CDH19: variants seen among roughly 807,000 people sequenced by gnomAD.
CDH19 encodes cadherin-19.
A neutral mutation model predicts 64.2 loss-of-function variants in CDH19; 67 were observed. The observed-to-expected ratio is 1.04, with a 90% CI of 0.86 to 1.28. CDH19 has a LOEUF of 1.28. Among genes scored for constraint, CDH19 ranks in the 50% most tolerant of loss-of-function variants. CDH19 has a pLI of 0.00. For synonymous variants in CDH19, 346 were observed against 319.3 expected (o/e 1.08, Z -0.89); for missense variants, 1,030 against 929.0 (o/e 1.11, Z -1.41).
intron 7 of CDH19, among the ~76,000 whole-genome samples, chr18:66,539,474 A>G (rs1481010957): frequency 1.3e-5 from 2 of 152,076 alleles, no homozygotes; most frequent in Non-Finnish European, 2.9e-5. Flanking sequence ...GATAGTTTTT[A>G]TAATAAGTTA....
chr18:66,505,281 C>T lies in CDH19; in HGVS notation c.1850G>A (p.Gly617Asp), dbSNP rs1985137712. 5.1e-6 allele frequency: 8 copies of T among 1,562,924 alleles called. No homozygotes were observed. The highest frequency in any genetic ancestry group is 6.9e-6 in the Non-Finnish European group (8 of 1,160,884). The change falls in exon 12 of 12, where the codon GGT becomes GAT. Residue 617 changes from glycine to aspartate, a missense_variant. By Grantham distance (94) the Gly-to-Asp change is moderately conservative. Transcript: ENST00000262150. ...IIFGFIFLTL[G>D]LKQRRKQILF... ...AATCTGTTTTCTCCGTTGTTTTAAA[C>T]CCAAAGTCAAAAAAATAAACCCTGA...
In CDH19 at chr18:66,523,618, G is replaced by T. The variant is rs535387066; in HGVS notation, c.1458+6227C>A. On this transcript the variant is annotated intron_variant, in intron 9 of 11. Transcript: ENST00000262150. ...CACAGTGTTTACACTCGGTGGGGGT[G>T]GGGGGGGAGTGGGTCTCAAGGCGGT... Among the ~76,000 whole-genome samples, 254 of 151,390 alleles carry T rather than the reference G, an allele frequency of 1.7e-3. 1 individual carries two copies. Among genetic ancestry groups the T allele is most frequent in the African/African-American group, 6.0e-3 (246 of 41,290 alleles).
Position 66,604,057 on chromosome 18 carries a change from G to C in CDH19, c.-216C>G, listed in dbSNP as rs938249293. ...AAAACTTTCTTCTTTTTGCTTCACAGTCTTCTCAGCAAACTCTCGATGTGC... is the reference window on the plus strand; with the variant it reads ...AAAACTTTCTTCTTTTTGCTTCACACTCTTCTCAGCAAACTCTCGATGTGC... On this transcript the variant is annotated 5_prime_UTR_variant, in exon 1 of 12. Transcript: ENST00000262150. 1 of 151,892 alleles carries C rather than the reference G, an allele frequency of 6.6e-6. No individual in the cohort carries two copies. Among genetic ancestry groups the C allele is most frequent in the Non-Finnish European group, 1.5e-5 (1 of 67,988 alleles). The allele number at this position is 151,892 out of a possible 1,614,324, so 9.4% of individuals were successfully genotyped here.
In CDH19 at chr18:66,504,612, T is replaced by C; in HGVS notation, c.*200A>G. On this transcript the variant is annotated 3_prime_UTR_variant, in exon 12 of 12. Transcript: ENST00000262150. Reference sequence around the variant, plus strand: ...GTATTGATGCCTGTGAGCTGATTGTTTACATTTCTCCCCACATCTCTGTTC... The same window carrying C: ...GTATTGATGCCTGTGAGCTGATTGTCTACATTTCTCCCCACATCTCTGTTC... The C allele has an allele frequency of 2.1e-6, 1 of 486,382 alleles. No homozygotes were observed. 30.1% of individuals were successfully genotyped at this position (486,382 alleles called of 1,614,324 possible). A position where few individuals can be genotyped will look rare whatever the true frequency, so the allele number is the denominator to read the frequency against.
At chr18:66,543,436 A>G (rs1986971365) in intron 7 of CDH19, among the ~76,000 whole-genome samples, 1 of 152,158 alleles carries the variant, frequency 6.6e-6, no homozygotes, top group Non-Finnish European at 1.5e-5. Context: ...AATATAATGC[A>G]CTGAATTTTA....
At chr18:66,583,346 C>A (rs551517324) in intron 1 of CDH19, among the ~76,000 whole-genome samples, 1 of 151,788 alleles carries the variant, frequency 6.6e-6, no homozygotes, top group African/African-American at 2.4e-5. Context: ...CTTTTTTTAA[C>A]TTTTATTTTG....
At chr18:66,510,066 A>G (rs893460775) in intron 10 of CDH19, among the ~76,000 whole-genome samples, 3 of 151,790 alleles carry the variant, frequency 2.0e-5, no homozygotes, top group Admixed American at 6.6e-5. Flanking sequence ...AATTTCTTGT[A>G]CCTCAGAACT....
intron 9 of CDH19, among the ~76,000 whole-genome samples, chr18:66,527,855 T>A (rs1986285784): frequency 6.9e-6 from 1 of 145,268 alleles, no homozygotes; most frequent in Non-Finnish European, 1.5e-5. Flanking sequence ...TTAAACCTAT[T>A]TTTTTTAGGC....
chr18:66,507,277 A>G (rs1392566713), intron 11 of CDH19, among the ~76,000 whole-genome samples: 1 of 131,810 alleles, frequency 7.6e-6, no homozygotes, highest in Non-Finnish European at 1.6e-5. Context: ...AACAATTGTA[A>G]TGGTAGGTGT....
chr18:66,577,936 C>T (rs893926730), intron 1 of CDH19, among the ~76,000 whole-genome samples: 3 of 151,934 alleles, frequency 2.0e-5, no homozygotes, highest in Non-Finnish European at 2.9e-5. Flanking sequence ...TCTAGGCCAG[C>T]AGCAGAGCAT....
At chr18:66,603,223 T>C (rs1388781016) in intron 1 of CDH19, among the ~76,000 whole-genome samples, 1 of 150,688 alleles carries the variant, frequency 6.6e-6, no homozygotes, top group Non-Finnish European at 1.5e-5. Context: ...AATATTTTAT[T>C]ATAATTAGTT....
intron 1 of CDH19, among the ~76,000 whole-genome samples, chr18:66,589,051 A>C (rs893132384): frequency 6.6e-6 from 1 of 151,866 alleles, no homozygotes; most frequent in Non-Finnish European, 1.5e-5. Context: ...TGAACCTTCA[A>C]ATAAATCATG....
At chr18:66,534,963 T>C (rs1986599873) in intron 8 of CDH19, 23 bp downstream of exon 8, 2 of 1,422,554 alleles carry the variant, frequency 1.4e-6, no homozygotes, top group Non-Finnish European at 1.9e-6. Context: ...AACAACTGTA[T>C]TGGATTTCAA....
Position 66,501,399 on chromosome 18 carries a change from A to C in CDH19, c.*3413T>G, listed in dbSNP as rs1380629031. 1.3e-5 allele frequency: 2 copies of C among 152,212 alleles called. No individual in the cohort carries two copies. Among genetic ancestry groups the C allele is most frequent in the Non-Finnish European group, 2.9e-5 (2 of 68,090 alleles). 9.4% of individuals were successfully genotyped at this position (152,212 alleles called of 1,614,324 possible). A position where few individuals can be genotyped will look rare whatever the true frequency, so the allele number is the denominator to read the frequency against. The stretch of plus-strand genomic sequence containing the variant: ...GGAAGCAGCAGTGGTCTTTCTGAGG[A>C]AGTTGCAGCTGATCACCAACCTGAA... On this transcript the variant is annotated 3_prime_UTR_variant, in exon 12 of 12. Transcript: ENST00000262150.
At chr18:66,521,451 AATG>A (rs1985978264) in intron 9 of CDH19, among the ~76,000 whole-genome samples, 2 of 152,132 alleles carry the variant, frequency 1.3e-5, no homozygotes, top group Admixed American at 1.3e-4. Flanking sequence ...TTGAGGACAG[AATG>A]ACTTCTTCAG....
chr18:66,575,186 G>T (rs1228235081), intron 1 of CDH19, among the ~76,000 whole-genome samples: 1 of 151,794 alleles, frequency 6.6e-6, no homozygotes, highest in African/African-American at 2.4e-5. Flanking sequence ...TAATGGTAGT[G>T]CTACAAAAAA....
chr18:66,553,490 T>C (rs1340057869), intron 4 of CDH19, among the ~76,000 whole-genome samples: 1 of 134,488 alleles, frequency 7.4e-6, no homozygotes, highest in East Asian at 1.9e-4. Context: ...TGAAAAAGGC[T>C]GAGACATTCA....
chr18:66,553,846 A>G (rs1326885727), intron 4 of CDH19, among the ~76,000 whole-genome samples: 1 of 134,528 alleles, frequency 7.4e-6, no homozygotes, highest in Non-Finnish European at 1.5e-5. Flanking sequence ...AGATTGGTAG[A>G]GCAATATTAC....
intron 1 of CDH19, among the ~76,000 whole-genome samples, chr18:66,585,575 T>G (rs1057503457): frequency 7.9e-5 from 12 of 152,096 alleles, no homozygotes; most frequent in Admixed American, 7.9e-4. Flanking sequence ...GTCCGGCACG[T>G]ATTAAGAGTT....
Sources: gnomAD v4.1 joint callset for allele counts (sites outside exome capture counted in the v4.1 genomes callset) on GRCh38, gnomAD v4.1.1 for gene constraint, MANE v1.5 for transcripts, NCBI Gene and HGNC (gene_info 2026-07-23, HGNC 2026-07-21) for gene names.